Variants in VPS8 observed in about 807,000 individuals in gnomAD.
VPS8 encodes the protein VPS8 subunit of CORVET complex, also known as vacuolar protein sorting-associated protein 8 homolog.
A neutral mutation model predicts 216.4 loss-of-function variants in VPS8; 129 were observed. The ratio of observed to expected loss-of-function variants is 0.60; its 90% CI spans 0.52 to 0.69. The LOEUF (loss-of-function observed/expected upper bound fraction) is 0.69. VPS8 is among the 30% of genes least tolerant of loss of function. The probability of loss-of-function intolerance (pLI) is 0.00; values close to 1 mark genes in which losing one functional copy is unlikely to be tolerated. For missense variants in VPS8, 1,531 were observed against 1,683.5 expected (o/e 0.91, Z 1.59); for synonymous variants, 571 against 565.4 (o/e 1.01, Z -0.14).
chr3:184,821,286 A>G (rs1035743422), intron 1 of VPS8, among the ~76,000 whole-genome samples: 1 of 152,014 alleles, frequency 6.6e-6, no homozygotes, highest in Non-Finnish European at 1.5e-5. Flanking sequence ...CTATGGGCAG[A>G]GCTAACTTCA....
At chr3:184,986,798 G>A (rs1363428555) in intron 42 of VPS8, among the ~76,000 whole-genome samples, 1 of 152,136 alleles carries the variant, frequency 6.6e-6, no homozygotes, top group Non-Finnish European at 1.5e-5. Flanking sequence ...TAGATTTACA[G>A]AGAAATTAAA....
intron 40 of VPS8, among the ~76,000 whole-genome samples, chr3:184,977,248 G>A (rs1191491902): frequency 6.6e-6 from 1 of 152,066 alleles, no homozygotes; most frequent in Admixed American, 6.6e-5. Context: ...TTGGCCACTT[G>A]CGTGTCTTCT....
chr3:184,961,735 T>TTA (rs1746546706), intron 37 of VPS8, among the ~76,000 whole-genome samples: 2 of 136,260 alleles, frequency 1.5e-5, no homozygotes, highest in Non-Finnish European at 3.2e-5. Context: ...TTTTTTTTTT[T>TTA]ACCAATTTTT....
At chr3:184,899,025 A>G (rs969941719) in intron 24 of VPS8, among the ~76,000 whole-genome samples, 6 of 152,178 alleles carry the variant, frequency 3.9e-5, no homozygotes, top group Admixed American at 3.9e-4. Flanking sequence ...TCAATGTACT[A>G]TTGAGTAATG....
chr3:184,824,732 T>C lies in VPS8; in HGVS notation c.100T>C (p.Ser34Pro). 6.2e-7 allele frequency: 1 copy of C among 1,613,734 alleles called. No individual in the cohort carries two copies. Among genetic ancestry groups the C allele is most frequent in the Non-Finnish European group, 8.5e-7 (1 of 1,179,780 alleles). Reference sequence around the variant, plus strand: ...GTCTTTCAATCTAGAAGCTTCACTTTCAAAATTCTCTTACATAGATATGGA... The same window carrying C: ...GTCTTTCAATCTAGAAGCTTCACTTCCAAAATTCTCTTACATAGATATGGA... ...NKSFNLEASL[S>P]KFSYIDMDKE... Residue 34 changes from serine (S) to proline (P), a missense_variant, in exon 2 of 48, where the codon TCA becomes CCA. Physicochemically the swap from Ser to Pro is moderately conservative, Grantham distance 74. This residue lies in a region of VPS8 where 199 missense variants were observed against 182.2 expected (regional missense o/e 1.09). Coordinates refer to ENST00000625842, the MANE Select transcript of VPS8 (RefSeq NM_001009921.3).
At chr3:185,002,225 CTG>C (rs1228143468) in intron 45 of VPS8, among the ~76,000 whole-genome samples, 6 of 152,216 alleles carry the variant, frequency 3.9e-5, no homozygotes, top group African/African-American at 1.4e-4. Context: ...GGCTTTTAGT[CTG>C]TAACCTTTAT....
chr3:184,889,206 A>C (rs1731871645), intron 22 of VPS8, among the ~76,000 whole-genome samples: 1 of 152,132 alleles, frequency 6.6e-6, no homozygotes, highest in Admixed American at 6.5e-5. Context: ...ATTAGGATCC[A>C]TTTATTATTT....
At chr3:185,036,581 GT>G (rs149707850) in intron 46 of VPS8, among the ~76,000 whole-genome samples, 23 of 144,774 alleles carry the variant, frequency 1.6e-4, no homozygotes, top group South Asian at 2.2e-4. Context: ...CAGTTTTTCA[GT>G]TTTTTTTTTT....
At position 184,905,916 on chromosome 3, in the gene VPS8, TAAACTGCTAGTGGG is replaced by T. The variant is rs1455459343; in HGVS notation, c.2146+4946_2146+4959del. Among the ~76,000 whole-genome samples, 3 of 152,178 alleles carry T rather than the reference TAAACTGCTAGTGGG, an allele frequency of 2.0e-5. No homozygotes were observed. The East Asian group carries it at 5.8e-4, about 29-fold the overall frequency. ...TTTCTTAGGGAATTGAACACTATCA[TAAACTGCTAGTGGG>T]AGTAAAATTGGTTCAATCTTTCTAT... On this transcript the variant is annotated intron_variant, in intron 25 of 47. Transcript: ENST00000625842.
intron 37 of VPS8, 25 bp downstream of exon 37, chr3:184,957,546 CAA>C (rs1276096698): frequency 1.3e-6 from 2 of 1,590,544 alleles, no homozygotes; most frequent in East Asian, 2.3e-5. Flanking sequence ...GTAAAAGAGA[CAA>C]GAGTAAACTC....
At chr3:184,925,121 GT>G in intron 30 of VPS8, 140 bp downstream of exon 30, 1 of 1,148,860 alleles carries the variant, frequency 8.7e-7, no homozygotes, top group Non-Finnish European at 1.2e-6. Flanking sequence ...TTGGATCTAA[GT>G]TAGGGGGGTA....
At chr3:184,866,077 G>T (rs1206611132) in intron 16 of VPS8, among the ~76,000 whole-genome samples, 1 of 151,768 alleles carries the variant, frequency 6.6e-6, no homozygotes, top group Non-Finnish European at 1.5e-5. Context: ...GAAAACACAC[G>T]CTTATATAAA....
intron 38 of VPS8, 63 bp downstream of exon 38, chr3:184,964,620 C>G (rs895798148): frequency 1.0e-5 from 11 of 1,075,594 alleles, no homozygotes; most frequent in Non-Finnish European, 1.4e-5. Flanking sequence ...TTCATGAATC[C>G]ATCTTAATTA....
At chr3:184,853,799 ATAG>A (rs1156750317) in intron 11 of VPS8, 55 bp from the exon 12 acceptor site, 2 of 1,537,078 alleles carry the variant, frequency 1.3e-6, no homozygotes, top group East Asian at 4.9e-5. Flanking sequence ...CCAGGTAGAG[ATAG>A]TAGTGCCTTG....
intron 36 of VPS8, among the ~76,000 whole-genome samples, chr3:184,946,583 A>G (rs1201841750): frequency 6.6e-6 from 1 of 152,164 alleles, no homozygotes; most frequent in East Asian, 1.9e-4. Flanking sequence ...GGTGAAATCC[A>G]GTTTTCCTGG....
At chr3:184,902,282 C>G (rs1734657152) in intron 25 of VPS8, among the ~76,000 whole-genome samples, 1 of 151,678 alleles carries the variant, frequency 6.6e-6, no homozygotes. Flanking sequence ...TCAAGACCAG[C>G]CTGGCCAATA....
At chr3:184,969,423 C>A (rs1480212276) in intron 39 of VPS8, among the ~76,000 whole-genome samples, 6 of 101,834 alleles carry the variant, frequency 5.9e-5, no homozygotes, top group African/African-American at 2.2e-4. Context: ...GCCCCACCCC[C>A]CCCCCTTTTT....
intron 47 of VPS8, 60 bp downstream of exon 47, chr3:185,048,619 C>T: frequency 1.3e-6 from 2 of 1,581,508 alleles, no homozygotes; most frequent in Admixed American, 1.7e-5. Flanking sequence ...CTGCTTTAGA[C>T]AGGCAGTGTC....
Position 184,824,581 on chromosome 3 carries a change from C to G in VPS8, c.-52C>G, listed in dbSNP as rs1718311988. ...CAGGTCTTCGTGAGCTAAGGCCAAA[C>G]AAACAAAAAACACTTGCTTTGATGG... On this transcript the variant is annotated 5_prime_UTR_variant, in exon 2 of 48. Transcript: ENST00000625842. 3 of 1,564,230 alleles carry G rather than the reference C, an allele frequency of 1.9e-6. No individual in the cohort carries two copies. The highest frequency in any genetic ancestry group is 1.9e-5 in the Admixed American group (1 of 52,280).
Sources: allele counts gnomAD v4.1 joint callset (sites outside exome capture counted in the v4.1 genomes callset), GRCh38; gene constraint gnomAD v4.1.1; regional missense constraint gnomAD v4.1.1; transcripts MANE v1.5; gene names NCBI Gene and HGNC (gene_info 2026-07-23, HGNC 2026-07-21).